The following RRM2B variants were observed in gnomAD, a reference collection of about 807,000 sequenced individuals.
The protein encoded by RRM2B is ribonucleoside-diphosphate reductase subunit M2 B.
RRM2B carries 20 observed loss-of-function variants against 45.9 expected under a neutral mutation model. The ratio of observed to expected loss-of-function variants is 0.44; its 90% confidence interval spans 0.31 to 0.63. The LOEUF (loss-of-function observed/expected upper bound fraction) is 0.63. Among genes scored for constraint, RRM2B ranks in the 30% least tolerant of loss-of-function variants. RRM2B has a pLI of 0.09. For missense variants in RRM2B, 320 were observed against 414.7 expected (o/e 0.77, Z 1.98); for synonymous variants, 124 against 132.3 (o/e 0.94, Z 0.43).
chr8:102,223,520 C>A (rs1810870232), intron 5 of RRM2B, among the ~76,000 whole-genome samples: 1 of 151,858 alleles, frequency 6.6e-6, no homozygotes, highest in Admixed American at 6.6e-5. Flanking sequence ...TGGCAAAACC[C>A]CCATCTCTAT....
At chr8:102,228,519 G>A (rs1810973259) in intron 2 of RRM2B, among the ~76,000 whole-genome samples, 1 of 152,218 alleles carries the variant, frequency 6.6e-6, no homozygotes, top group African/African-American at 2.4e-5. Flanking sequence ...CATGTGAAAA[G>A]GCAGAGGGCC....
intron 8 of RRM2B, among the ~76,000 whole-genome samples, chr8:102,211,418 G>A (rs1291551872): frequency 6.6e-6 from 1 of 152,178 alleles, no homozygotes; most frequent in Non-Finnish European, 1.5e-5. Flanking sequence ...AATTTACTCA[G>A]ATATTTTGAA....
chr8:102,231,976 A>G (rs1397643568), intron 2 of RRM2B, among the ~76,000 whole-genome samples, 173 bp downstream of exon 2: 2 of 152,222 alleles, frequency 1.3e-5, no homozygotes, highest in African/African-American at 2.4e-5. Flanking sequence ...GTTTATAGAT[A>G]GTAATCTAAA....
chr8:102,238,795 G>C (rs772278000), intron 1 of RRM2B, 32 bp downstream of exon 1: 3 of 1,613,726 alleles, frequency 1.9e-6, no homozygotes, highest in Admixed American at 3.3e-5. Context: ...GCGTGACTGC[G>C]GTGAGGGGGA....
At chr8:102,228,828 C>T (rs938363565) in intron 2 of RRM2B, among the ~76,000 whole-genome samples, 9 of 152,214 alleles carry the variant, frequency 5.9e-5, no homozygotes, top group Non-Finnish European at 1.3e-4. Flanking sequence ...CCAGTTCCCA[C>T]CCACGAAGGG....
chr8:102,221,563 C>G (rs1216200749), intron 5 of RRM2B, among the ~76,000 whole-genome samples: 1 of 152,190 alleles, frequency 6.6e-6, no homozygotes, highest in Non-Finnish European at 1.5e-5. Context: ...ACTCTTCACT[C>G]TTTCCTCTTT....
chr8:102,238,152 T>C (rs1811155177), intron 1 of RRM2B, among the ~76,000 whole-genome samples: 1 of 152,252 alleles, frequency 6.6e-6, no homozygotes, highest in African/African-American at 2.4e-5. Flanking sequence ...ATGAACAACT[T>C]GGGCTTATTA....
chr8:102,214,215 G>T, intron 6 of RRM2B, 57 bp from the exon 7 acceptor site: 1 of 1,156,418 alleles, frequency 8.6e-7, no homozygotes, highest in Non-Finnish European at 1.3e-6. Context: ...ATTTGCATAT[G>T]GTGATGGGTC....
rs1355795350 is a variant in RRM2B at position 102,218,831 on chromosome 8, G to T, written c.667C>A (p.Leu223Ile). ...LMPGLTFSNE[L>I]ISRDEGLHCD... is the part of the protein sequence containing the mutation. The stretch of plus-strand genomic sequence containing the variant: ...TTCCTTACTTCATCTCTGCTGATGA[G>T]TTCATTGGAAAAAGTGAGTCCTGGC... The change falls in exon 6 of 9, where the codon CTC (leucine) becomes ATC (isoleucine). Residue 223 changes from leucine (L) to isoleucine (I), a missense_variant. By Grantham distance (5) the Leu-to-Ile change is conservative. Coordinates refer to ENST00000251810, the MANE Select transcript of RRM2B (RefSeq NM_015713.5). 6.2e-7 allele frequency: 1 copy of T among 1,612,772 alleles called. No homozygotes were observed. The highest frequency in any genetic ancestry group is 8.5e-7 in the Non-Finnish European group (1 of 1,179,000).
At chr8:102,229,729 C>T (rs1456989650) in intron 2 of RRM2B, among the ~76,000 whole-genome samples, 1 of 152,064 alleles carries the variant, frequency 6.6e-6, no homozygotes, top group Non-Finnish European at 1.5e-5. Flanking sequence ...GGATTACAGG[C>T]ACCTGCTGCC....
intron 5 of RRM2B, among the ~76,000 whole-genome samples, chr8:102,219,785 TG>T (rs1393871382): frequency 1.3e-5 from 2 of 152,240 alleles, no homozygotes; most frequent in Non-Finnish European, 2.9e-5. Context: ...TACAGGCAGC[TG>T]AGTGCTTGAG....
intron 6 of RRM2B, among the ~76,000 whole-genome samples, chr8:102,217,675 G>C (rs1810753961): frequency 6.6e-6 from 1 of 152,146 alleles, no homozygotes; most frequent in Non-Finnish European, 1.5e-5. Flanking sequence ...TAGCAGAAGA[G>C]AGAAAGAAGA....
Position 102,228,148 on chromosome 8 carries a change from G to A in RRM2B, c.205-2114C>T, listed in dbSNP as rs190468164. ...ATAAAAACCCCAGGCTCTACCAGCA[G>A]AGAAGAGGAGAGGAGAAGAGGAGAA... On this transcript the variant is annotated intron_variant, in intron 2 of 8. Coordinates refer to ENST00000251810, the MANE Select transcript of RRM2B (RefSeq NM_015713.5). Among the ~76,000 whole-genome samples, 441 of 152,280 alleles carry A rather than the reference G, an allele frequency of 2.9e-3. 3 individuals are homozygous for A. Among genetic ancestry groups the A allele is most frequent in the Admixed American group, 6.4e-3 (98 of 15,300 alleles).
intron 6 of RRM2B, among the ~76,000 whole-genome samples, chr8:102,217,150 AACT>A (rs2132548009): frequency 6.6e-6 from 1 of 152,274 alleles, no homozygotes; most frequent in African/African-American, 2.4e-5. Flanking sequence ...CATTTAACAA[AACT>A]ACTATTTTCA....
intron 7 of RRM2B, among the ~76,000 whole-genome samples, chr8:102,213,368 C>CTATA (rs1279301028): frequency 2.0e-5 from 3 of 152,122 alleles, no homozygotes; most frequent in African/African-American, 7.2e-5. Flanking sequence ...TACTGAAAGA[C>CTATA]TATATAGTGG....
At chr8:102,230,516 A>C (rs1026253711) in intron 2 of RRM2B, among the ~76,000 whole-genome samples, 5 of 152,230 alleles carry the variant, frequency 3.3e-5, no homozygotes, top group African/African-American at 1.2e-4. Context: ...TATCTAACAA[A>C]AAACCTTTCT....
At chr8:102,224,852 A>G (rs766155840) in intron 4 of RRM2B, 33 bp downstream of exon 4, 5 of 1,604,550 alleles carry the variant, frequency 3.1e-6, no homozygotes, top group Non-Finnish European at 4.3e-6. Flanking sequence ...CCAAGCCGTA[A>G]GCAATATTTT....
intron 5 of RRM2B, among the ~76,000 whole-genome samples, chr8:102,219,342 C>T (rs1441201615): frequency 6.6e-6 from 1 of 152,146 alleles, no homozygotes. Context: ...CAAGTGTCTT[C>T]CTCTGAAAGG....
chr8:102,224,789 G>T, intron 4 of RRM2B, 96 bp downstream of exon 4: 2 of 1,239,750 alleles, frequency 1.6e-6, no homozygotes, highest in Non-Finnish European at 2.3e-6. Context: ...TTCCATACTT[G>T]AATAATCTTT....
Sources: allele counts gnomAD v4.1 joint callset (sites outside exome capture counted in the v4.1 genomes callset), GRCh38; gene constraint gnomAD v4.1.1; transcripts MANE v1.5; gene names NCBI Gene and HGNC (gene_info 2026-07-23, HGNC 2026-07-21).